Variants in SLC43A1 observed in about 807,000 individuals in gnomAD.
The protein encoded by SLC43A1 is solute carrier family 43 member 1.
A neutral mutation model predicts 59.5 loss-of-function variants in SLC43A1; 31 were observed. The ratio of observed to expected loss-of-function variants is 0.52; its 90% CI spans 0.39 to 0.70. The LOEUF is 0.70. Among genes scored for constraint, SLC43A1 ranks in the 30% least tolerant of loss-of-function variants. The pLI is 0.00. For missense variants in SLC43A1, 598 were observed against 717.8 expected, an observed-to-expected ratio of 0.83 and a Z score of 1.91; for synonymous variants, 259 against 290.9, an observed-to-expected ratio of 0.89 and a Z score of 1.12.
chr11:57,493,906 G>C, intron 8 of SLC43A1, 87 bp downstream of exon 8: 1 of 1,342,300 alleles, frequency 7.4e-7, no homozygotes, highest in South Asian at 1.5e-5. Context: ...AGAGGGGTGC[G>C]AATAAATACT....
rs565035432 is a variant in SLC43A1, at chr11:57,514,281, T to A, written c.-13-157A>T. ...GGCTTCCCAGCCGGTGCCAAGGAGCTGGCTCCGCGCGCACTAGCAGTGCCA... is the reference window on the plus strand; with the variant it reads ...GGCTTCCCAGCCGGTGCCAAGGAGCAGGCTCCGCGCGCACTAGCAGTGCCA... On this transcript the variant is annotated intron_variant, in intron 1 of 14. Transcript: ENST00000278426. This position sits in a 1 kb window ranked among gnomAD's most constrained non-coding sequence, Gnocchi z 5.5. 78 of 830,988 alleles carry A rather than the reference T, an allele frequency of 9.4e-5. No individual in the cohort carries two copies. In the East Asian group the frequency reaches 1.8e-3, roughly 20 times the overall value. 51.5% of individuals were successfully genotyped at this position (830,988 alleles called of 1,614,324 possible).
At chr11:57,512,671 G>T (rs948994409) in intron 2 of SLC43A1, among the ~76,000 whole-genome samples, 2 of 152,058 alleles carry the variant, frequency 1.3e-5, no homozygotes, top group African/African-American at 4.8e-5. Flanking sequence ...CCCTCCACTT[G>T]GTTCTTGCAG....
intron 2 of SLC43A1, among the ~76,000 whole-genome samples, chr11:57,507,559 C>T (rs1944420556): frequency 6.6e-6 from 1 of 152,174 alleles, no homozygotes; most frequent in Non-Finnish European, 1.5e-5. Flanking sequence ...ATGAGGATCA[C>T]TTGTATCCAG....
chr11:57,499,772 G>A (rs1944202331), intron 5 of SLC43A1: 1 of 152,474 alleles, frequency 6.6e-6, no homozygotes, highest in African/African-American at 2.4e-5. Context: ...TACAGGAGGC[G>A]GGGACATAGC....
chr11:57,513,878 G>T, intron 2 of SLC43A1, 80 bp downstream of exon 2: 1 of 1,136,740 alleles, frequency 8.8e-7, no homozygotes, highest in Non-Finnish European at 1.3e-6. Flanking sequence ...CTGTCCACCT[G>T]GCCACCTAAC....
rs764970561 is a variant in SLC43A1, at chr11:57,511,921, G to C, written c.154+2037C>G. ...AGTGCTTGGGGGCAGAGGTGGGGGT[G>C]AGGCGAGTGAGTACTGCTAATGGTA... On this transcript the variant is annotated intron_variant, in intron 2 of 14. Transcript: ENST00000278426. Among the ~76,000 whole-genome samples the C allele has an allele frequency of 5.5e-4, 83 of 152,254 alleles. No homozygotes were observed. The Middle Eastern group carries it at 0.024, about 44-fold the overall frequency.
intron 2 of SLC43A1, among the ~76,000 whole-genome samples, chr11:57,505,556 G>A (rs1479537459): frequency 1.3e-5 from 2 of 152,022 alleles, no homozygotes; most frequent in African/African-American, 4.8e-5. Context: ...AACGATACAC[G>A]TATATACGTA....
intron 2 of SLC43A1, among the ~76,000 whole-genome samples, chr11:57,503,416 C>A (rs564083935): frequency 1.3e-5 from 2 of 151,732 alleles, no homozygotes; most frequent in African/African-American, 4.9e-5. Flanking sequence ...CTTGACCTCC[C>A]GAGTTCAAGT....
At chr11:57,506,100 C>T (rs1396190401) in intron 2 of SLC43A1, among the ~76,000 whole-genome samples, 1 of 152,178 alleles carries the variant, frequency 6.6e-6, no homozygotes, top group East Asian at 1.9e-4. Context: ...AATCCCGGCA[C>T]TTTGGGAGGC....
chr11:57,491,470 A>G, intron 10 of SLC43A1, 108 bp from the exon 11 acceptor site: 1 of 1,565,942 alleles, frequency 6.4e-7, no homozygotes, highest in South Asian at 1.2e-5. Context: ...CTCTGAACCC[A>G]GACTCTTACA....
Position 57,491,347 on chromosome 11 carries a change from G to A in SLC43A1, c.1070C>T (p.Ser357Phe). 1 of 1,599,684 alleles carries A rather than the reference G, an allele frequency of 6.3e-7. No individual in the cohort carries two copies. Among genetic ancestry groups the A allele is most frequent in the Non-Finnish European group, 8.5e-7 (1 of 1,172,548 alleles). The stretch of plus-strand genomic sequence containing the variant: ...CAACAGCTGCATGGCCCCGAAGACG[G>A]AGGAGTAGAACCCAACTGGGCAGGA... ...KVAETVGFYS[S>F]VFGAMQLLCL... is the part of the protein sequence containing the mutation. Residue 357 changes from serine to phenylalanine, a missense_variant, in exon 11 of 15, where the codon TCC becomes TTC. Transcript: ENST00000278426.
rs138052685 is a variant in SLC43A1, at chr11:57,491,340, G to A, written c.1077C>T (p.Phe359=). The change falls in exon 11 of 15, where the codon TTC becomes TTT. Residue 359 remains phenylalanine, a synonymous_variant. Coordinates refer to ENST00000278426, the MANE Select transcript of SLC43A1 (RefSeq NM_003627.6). The part of the protein sequence containing the change: ...AETVGFYSSV[F]GAMQLLCLLT... ...GAAGGCACAACAGCTGCATGGCCCCGAAGACGGAGGAGTAGAACCCAACTG... is the reference window on the plus strand; with the variant it reads ...GAAGGCACAACAGCTGCATGGCCCCAAAGACGGAGGAGTAGAACCCAACTG... The A allele has an allele frequency of 5.4e-5, 87 of 1,601,010 alleles. No individual in the cohort carries two copies. In the Middle Eastern group the frequency reaches 1.0e-3, roughly 18 times the overall value.
In SLC43A1 at chr11:57,497,819, G is replaced by A. The variant is rs550877436; in HGVS notation, c.492C>T (p.Arg164=). The A allele has an allele frequency of 6.8e-6, 11 of 1,613,594 alleles. No homozygotes were observed. The Admixed American group carries it at 1.7e-4, about 24-fold the overall frequency. Residue 164 remains arginine (R), a synonymous_variant, in exon 6 of 15, where the codon CGC becomes CGT. Coordinates refer to ENST00000278426, the MANE Select transcript of SLC43A1 (RefSeq NM_003627.6). ...CAATCATGAGGGCCATTAACGTGGA[G>A]CGCAGGTTCCCAAACATGTTGGGCA... ...LTLPNMFGNL[R]STLMALMIGS...
intron 7 of SLC43A1, 84 bp from the exon 8 acceptor site, chr11:57,494,255 C>T (rs1052895124): frequency 8.5e-6 from 11 of 1,289,472 alleles, no homozygotes; most frequent in South Asian, 2.7e-5. Flanking sequence ...GCCATCCCAG[C>T]GGTTTCCAGC....
intron 6 of SLC43A1, 43 bp downstream of exon 6, chr11:57,497,710 G>A (rs897542401): frequency 2.0e-6 from 3 of 1,515,982 alleles, no homozygotes; most frequent in Non-Finnish European, 2.7e-6. Flanking sequence ...GCCCCACCCG[G>A]TTCTTGTGTC....
At chr11:57,492,763 A>C (rs1278908531) in intron 8 of SLC43A1, among the ~76,000 whole-genome samples, 7 of 139,758 alleles carry the variant, frequency 5.0e-5, no homozygotes, top group African/African-American at 1.6e-4. Context: ...AAAACCTGGC[A>C]GGGCACGGTG....
At chr11:57,510,390 G>A (rs773965713) in intron 2 of SLC43A1, among the ~76,000 whole-genome samples, 10 of 148,652 alleles carry the variant, frequency 6.7e-5, no homozygotes, top group African/African-American at 2.0e-4. Context: ...CCTGGGAGGC[G>A]GAGGTTGCAG....
chr11:57,514,147 G>A lies in SLC43A1; in HGVS notation c.-13-23C>T, dbSNP rs1237842175. On this transcript the variant is annotated intron_variant, in intron 1 of 14. Transcript: ENST00000278426. The surrounding 1 kb of genome is among the most constrained non-coding windows in gnomAD (Gnocchi z 5.5). The stretch of plus-strand genomic sequence containing the variant: ...AGCCTGCACAGAAACAGAGCGCTGG[G>A]TGAAGGGCCCCCCAGTGGCCCCAGG... The A allele has an allele frequency of 1.9e-6, 3 of 1,553,514 alleles. No individual in the cohort carries two copies. Among genetic ancestry groups the A allele is most frequent in the Non-Finnish European group, 2.6e-6 (3 of 1,153,900 alleles).
chr11:57,495,941 G>T, intron 7 of SLC43A1, 90 bp downstream of exon 7: 1 of 1,456,256 alleles, frequency 6.9e-7, no homozygotes, highest in Non-Finnish European at 9.3e-7. Context: ...CCAAGCCGAG[G>T]TCTCTCTGAA....
Sources: allele counts gnomAD v4.1 joint callset (sites outside exome capture counted in the v4.1 genomes callset), GRCh38; gene constraint gnomAD v4.1.1; non-coding constraint Gnocchi (gnomAD v3.1); transcripts MANE v1.5; gene names NCBI Gene and HGNC (gene_info 2026-07-23, HGNC 2026-07-21).